PCDHGA4: variants seen among roughly 807,000 people sequenced by gnomAD.
PCDHGA4 encodes protocadherin gamma-A4.
In PCDHGA4, 38 loss-of-function variants were observed where a neutral mutation model predicts 54.6. That is an observed-to-expected ratio of 0.70 (90% CI 0.54 to 0.91). The LOEUF is 0.91. Ranked by LOEUF, PCDHGA4 falls within the 40% of genes least tolerant of loss-of-function variation. PCDHGA4 has a pLI of 0.00. For synonymous variants in PCDHGA4, 511 were observed against 512.9 expected, an observed-to-expected ratio of 1.00 and a Z score of 0.05; for missense variants, 1,298 against 1,220.9, an observed-to-expected ratio of 1.06 and a Z score of -0.94.
intron 1 of PCDHGA4, chr5:141,393,918 T>C: frequency 6.2e-7 from 1 of 1,613,982 alleles, no homozygotes; most frequent in Non-Finnish European, 8.5e-7. Context: ...AATTGCCTTC[T>C]TGAGTGTGCA....
chr5:141,509,132 G>A (rs1261849657), intron 3 of PCDHGA4, among the ~76,000 whole-genome samples: 1 of 152,150 alleles, frequency 6.6e-6, no homozygotes, highest in Admixed American at 6.5e-5. Flanking sequence ...GAGAAAAACC[G>A]AGGCGCATCC....
intron 1 of PCDHGA4, among the ~76,000 whole-genome samples, chr5:141,451,138 A>T (rs1348825654): frequency 6.6e-6 from 1 of 152,242 alleles, no homozygotes; most frequent in East Asian, 1.9e-4. Flanking sequence ...TTATGATTGT[A>T]TTTAGACTAG....
chr5:141,399,925 C>A (rs779347793), intron 1 of PCDHGA4: 3 of 1,612,364 alleles, frequency 1.9e-6, no homozygotes, highest in South Asian at 1.1e-5. Flanking sequence ...CAACGCCTGG[C>A]TGTCCTACCA....
intron 1 of PCDHGA4, chr5:141,478,112 G>A (rs2099430344): frequency 1.2e-6 from 2 of 1,613,968 alleles, no homozygotes; most frequent in South Asian, 2.2e-5. Flanking sequence ...CACTGTGTCA[G>A]TAACCGAGGA....
At chr5:141,445,805 A>G (rs2098478274) in intron 1 of PCDHGA4, among the ~76,000 whole-genome samples, 2 of 152,236 alleles carry the variant, frequency 1.3e-5, no homozygotes, top group South Asian at 4.1e-4. Flanking sequence ...GAAAATAAAT[A>G]GATGAAACTA....
chr5:141,385,418 A>T (rs1317845643), intron 1 of PCDHGA4: 10 of 1,466,496 alleles, frequency 6.8e-6, no homozygotes, highest in Non-Finnish European at 8.1e-6. Context: ...ATAGGGATTT[A>T]AAAAACTTTA....
At position 141,385,168 on chromosome 5, in the gene PCDHGA4, G is replaced by T. The variant is rs376175214; in HGVS notation, c.2514+27547G>T. On this transcript the variant is annotated intron_variant, in intron 1 of 3. Transcript: ENST00000571252. ...TTTCCTGCAGACCTATTCCCATGAG[G>T]TCTCCCTCACCGCGGACTCTCGGAA... 1.5e-5 allele frequency: 24 copies of T among 1,614,100 alleles called. No individual in the cohort carries two copies. Among genetic ancestry groups the T allele is most frequent in the Non-Finnish European group, 2.0e-5 (24 of 1,180,058 alleles).
intron 1 of PCDHGA4, among the ~76,000 whole-genome samples, chr5:141,437,421 T>G (rs971034611): frequency 1.2e-4 from 19 of 152,238 alleles, no homozygotes; most frequent in African/African-American, 4.6e-4. Flanking sequence ...TTATGCTTTT[T>G]GAAGCAGCAA....
rs1001089000 is a variant in PCDHGA4, at chr5:141,370,469, A to T, written c.2514+12848A>T. The T allele has an allele frequency of 4.3e-6, 7 of 1,613,198 alleles. No homozygotes were observed. The African/African-American group carries it at 9.3e-5, about 22-fold the overall frequency. Reference sequence around the variant, plus strand: ...TATTTCTCTTCCTGCTCTCTTTGTTAGACCAGGCTCTCTCCGAACCGATCC... The same window carrying T: ...TATTTCTCTTCCTGCTCTCTTTGTTTGACCAGGCTCTCTCCGAACCGATCC... On this transcript the variant is annotated intron_variant, in intron 1 of 3. Transcript: ENST00000571252.
At chr5:141,374,343 C>T in intron 1 of PCDHGA4, 2 of 1,613,990 alleles carry the variant, frequency 1.2e-6, no homozygotes, top group Non-Finnish European at 1.7e-6. Context: ...TTGGTCACCG[C>T]GGGTAGGATA....
At chr5:141,422,997 C>A in intron 1 of PCDHGA4, 3 of 1,614,218 alleles carry the variant, frequency 1.9e-6, no homozygotes, top group Non-Finnish European at 2.5e-6. Flanking sequence ...ACCTGGTGAC[C>A]AAGGTGGTTG....
At position 141,372,426 on chromosome 5, in the gene PCDHGA4, C is replaced by A; in HGVS notation, c.2514+14805C>A. ...AGAGATACAACCTGACCTTAGCGAC[C>A]GCCCCACTCCCTCTGACCCTCAGGC... On this transcript the variant is annotated intron_variant, in intron 1 of 3. Coordinates refer to ENST00000571252, the MANE Select transcript of PCDHGA4 (RefSeq NM_018917.4). 1 of 1,614,026 alleles carries A rather than the reference C, an allele frequency of 6.2e-7. No individual in the cohort carries two copies. Among genetic ancestry groups the A allele is most frequent in the Non-Finnish European group, 8.5e-7 (1 of 1,179,890 alleles).
At chr5:141,387,354 CA>C (rs1037365285) in intron 1 of PCDHGA4, among the ~76,000 whole-genome samples, 7 of 152,004 alleles carry the variant, frequency 4.6e-5, no homozygotes, top group African/African-American at 1.7e-4. Context: ...CGGTTTAGGC[CA>C]AGTCTGTGTT....
chr5:141,366,559 G>C, intron 1 of PCDHGA4: 2 of 1,614,270 alleles, frequency 1.2e-6, no homozygotes, highest in South Asian at 2.2e-5. Context: ...TTGTGGGCGT[G>C]GATGGGGTTC....
At chr5:141,450,297 G>A (rs1414677718) in intron 1 of PCDHGA4, among the ~76,000 whole-genome samples, 3 of 151,838 alleles carry the variant, frequency 2.0e-5, no homozygotes, top group Non-Finnish European at 4.4e-5. Context: ...ACAGGCGTGA[G>A]CCACCATGTG....
chr5:141,498,616 G>T (rs1202866176), intron 2 of PCDHGA4, among the ~76,000 whole-genome samples: 1 of 152,138 alleles, frequency 6.6e-6, no homozygotes, highest in East Asian at 1.9e-4. Flanking sequence ...AGTCAGCACT[G>T]GGTCACACTG....
intron 1 of PCDHGA4, chr5:141,430,838 G>C (rs866767896): frequency 1.3e-6 from 2 of 1,563,026 alleles, no homozygotes; most frequent in Middle Eastern, 1.7e-4. Context: ...GTGGGAGACC[G>C]GATGCACCCA....
chr5:141,388,424 G>T, intron 1 of PCDHGA4: 2 of 1,613,812 alleles, frequency 1.2e-6, no homozygotes, highest in Non-Finnish European at 1.7e-6. Flanking sequence ...ATTTCTCACT[G>T]ATAAATAAAG....
In PCDHGA4 at chr5:141,431,370, A is replaced by G; in HGVS notation, c.2515-63437A>G. ...CTGAAACGCGCCCTGGACCGCGAAG[A>G]AAAGGCTGCTCACCACCTGGTCCTT... is the stretch of plus-strand genomic sequence containing the variant. On this transcript the variant is annotated intron_variant, in intron 1 of 3. Coordinates refer to ENST00000571252, the MANE Select transcript of PCDHGA4 (RefSeq NM_018917.4). The surrounding 1 kb of genome is among the most constrained non-coding windows in gnomAD (Gnocchi z 4.8). 1 of 1,613,946 alleles carries G rather than the reference A, an allele frequency of 6.2e-7. No homozygotes were observed. The highest frequency in any genetic ancestry group is 8.5e-7 in the Non-Finnish European group (1 of 1,180,014).
Sources: gnomAD v4.1 joint callset for allele counts (sites outside exome capture counted in the v4.1 genomes callset) on GRCh38, gnomAD v4.1.1 for gene constraint, Gnocchi (gnomAD v3.1) non-coding constraint, MANE v1.5 for transcripts, NCBI Gene and HGNC (gene_info 2026-07-23, HGNC 2026-07-21) for gene names.